Variants in SUPT5H observed in about 807,000 individuals in gnomAD.
The protein encoded by SUPT5H is transcription elongation factor SPT5.
In SUPT5H, 24 loss-of-function variants were observed where a neutral mutation model predicts 142.5. The observed-to-expected ratio is 0.17, with a 90% CI of 0.12 to 0.24. The LOEUF (loss-of-function observed/expected upper bound fraction) is 0.24. Ranked by LOEUF, SUPT5H falls within the 10% of genes least tolerant of loss-of-function variation. SUPT5H has a pLI of 1.00. For synonymous variants in SUPT5H, 546 were observed against 553.0 expected, an observed-to-expected ratio of 0.99 and a Z score of 0.18; for missense variants, 893 against 1,471.8, an observed-to-expected ratio of 0.61 and a Z score of 6.43.
In SUPT5H at chr19:39,473,467, G is replaced by A. The variant is rs769618502; in HGVS notation, c.2438G>A (p.Arg813His). The change falls in exon 25 of 30, where the codon CGC (arginine) becomes CAC (histidine). Residue 813 changes from arginine (R) to histidine (H), a missense_variant. Arg to His is a conservative substitution (Grantham distance 29). Around this residue, in one of 6 missense-constraint regions of SUPT5H, gnomAD observed 336 missense variants for 546.5 expected, o/e 0.61. Transcript: ENST00000432763. The surrounding 1 kb of genome is among the most constrained non-coding windows in gnomAD (Gnocchi z 5.8). Reference sequence around the variant, plus strand: ...CAGACGCCCCTGCATGATGGCAGCCGCACTCCTGCCCAGAGTGGGGCCTGG... The same window carrying A: ...CAGACGCCCCTGCATGATGGCAGCCACACTCCTGCCCAGAGTGGGGCCTGG... ...GSQTPLHDGS[R>H]TPAQSGAWDP... The A allele has an allele frequency of 1.9e-6, 3 of 1,612,874 alleles. No homozygotes were observed. Among genetic ancestry groups the A allele is most frequent in the Non-Finnish European group, 2.5e-6 (3 of 1,179,920 alleles).
In SUPT5H at chr19:39,458,572, C is replaced by A; in HGVS notation, c.320-246C>A. On this transcript the variant is annotated intron_variant, in intron 5 of 29. Transcript: ENST00000432763. This position sits in a 1 kb window ranked among gnomAD's most constrained non-coding sequence, Gnocchi z 4.2. ...GGGTGGGGTGCAGTCCAGGGTGTGCCTGGACTTTGAGATGGGAACAGCTGG... is the reference window on the plus strand; with the variant it reads ...GGGTGGGGTGCAGTCCAGGGTGTGCATGGACTTTGAGATGGGAACAGCTGG... 1 of 732,288 alleles carries A rather than the reference C, an allele frequency of 1.4e-6. No homozygotes were observed. The highest frequency in any genetic ancestry group is 2.2e-6 in the Non-Finnish European group (1 of 452,744). 45.4% of individuals were successfully genotyped at this position (732,288 alleles called of 1,614,324 possible).
In SUPT5H at chr19:39,449,049, C is replaced by A. The variant is rs2078987859; in HGVS notation, c.75+3084C>A. ...AGCTTGCAGTGAGCAGAGATCGCACCATTGCACTCCAGCCTGGGAGACAGA... is the reference window on the plus strand; with the variant it reads ...AGCTTGCAGTGAGCAGAGATCGCACAATTGCACTCCAGCCTGGGAGACAGA... On this transcript the variant is annotated intron_variant, in intron 2 of 29. Transcript: ENST00000432763. Among the ~76,000 whole-genome samples, 2 of 110,820 alleles carry A rather than the reference C, an allele frequency of 1.8e-5. 1 individual carries two copies. Among genetic ancestry groups the A allele is most frequent in the South Asian group, 6.5e-4 (2 of 3,090 alleles). 72.7% of individuals were successfully genotyped at this position (110,820 alleles called of 152,430 possible). A position where few individuals can be genotyped will look rare whatever the true frequency, so the allele number is the denominator to read the frequency against.
In SUPT5H at chr19:39,451,777, C is replaced by T. The variant is rs373938986; in HGVS notation, c.76-1579C>T. Among the ~76,000 whole-genome samples, 66 of 152,244 alleles carry T rather than the reference C, an allele frequency of 4.3e-4. 1 individual carries two copies. The South Asian group carries it at 0.013, about 30-fold the overall frequency. ...GTACTCCTGATGTCAGGTGATCCACCCGCTTTGGCCTCCTAAAGTGTTGGG... is the reference window on the plus strand; with the variant it reads ...GTACTCCTGATGTCAGGTGATCCACTCGCTTTGGCCTCCTAAAGTGTTGGG... On this transcript the variant is annotated intron_variant, in intron 2 of 29. Coordinates refer to ENST00000432763, the MANE Select transcript of SUPT5H (RefSeq NM_001111020.3).
At chr19:39,455,794 T>C (rs1401160717) in intron 3 of SUPT5H, among the ~76,000 whole-genome samples, 2 of 150,070 alleles carry the variant, frequency 1.3e-5, no homozygotes, top group Non-Finnish European at 3.0e-5. Context: ...AGCTAATTTT[T>C]GTATTTTTAG....
At chr19:39,457,979 C>A in intron 4 of SUPT5H, 2 of 805,162 alleles carry the variant, frequency 2.5e-6, no homozygotes, top group Non-Finnish European at 4.1e-6. Context: ...GATCCCAGGG[C>A]CCAGTGAATC....
Position 39,476,167 on chromosome 19 carries a change from G to A in SUPT5H, c.3111G>A (p.Lys1037=). ...ACCTGGAGCCTATCACCCCCACCAAGAACAACAAGGTAAGGGCAGGGGGCA... is the reference window on the plus strand; with the variant it reads ...ACCTGGAGCCTATCACCCCCACCAAAAACAACAAGGTAAGGGCAGGGGGCA... The part of the protein sequence containing the change: ...SEHLEPITPT[K]NNKVKVILGE... The change falls in exon 29 of 30, where the codon AAG becomes AAA. Residue 1037 remains lysine (K), a synonymous_variant. Transcript: ENST00000432763. 1 of 1,614,118 alleles carries A rather than the reference G, an allele frequency of 6.2e-7. No homozygotes were observed. Among genetic ancestry groups the A allele is most frequent in the Non-Finnish European group, 8.5e-7 (1 of 1,180,012 alleles).
chr19:39,468,975 C>G, intron 14 of SUPT5H, 104 bp from the exon 15 acceptor site: 1 of 1,543,014 alleles, frequency 6.5e-7, no homozygotes, highest in East Asian at 2.3e-5. Flanking sequence ...TAGGAGTGTT[C>G]CCTAGGAGAA....
rs185011055 is a variant in SUPT5H at position 39,458,386 on chromosome 19, C to T, written c.319+81C>T. The stretch of plus-strand genomic sequence containing the variant: ...TCCTTCCTGAGGCACCTGCCCTCAC[C>T]GGTAGCCTCCCCACCAGCCCCGGTC... On this transcript the variant is annotated intron_variant, in intron 5 of 29. Transcript: ENST00000432763. This position sits in a 1 kb window ranked among gnomAD's most constrained non-coding sequence, Gnocchi z 4.2. 1.0e-4 allele frequency: 160 copies of T among 1,598,080 alleles called. 2 individuals carry two copies. In the Admixed American group the frequency reaches 1.2e-3, roughly 12 times the overall value.
Position 39,472,919 on chromosome 19 carries a change from G to A in SUPT5H, c.2145G>A (p.Gly715=). The change falls in exon 22 of 30, where the codon GGG becomes GGA. Residue 715 remains glycine, a synonymous_variant. Transcript: ENST00000432763. This position sits in a 1 kb window ranked among gnomAD's most constrained non-coding sequence, Gnocchi z 4.2. ...LIGQTVRISQ[G]PYKGYIGVVK... is the part of the protein sequence containing the mutation. ...GCCAGACCGTGCGCATCTCCCAGGG[G>A]CCCTACAAAGGTGACCTGCGAGGCC... The A allele has an allele frequency of 1.9e-6, 3 of 1,613,482 alleles. No homozygotes were observed. The highest frequency in any genetic ancestry group is 2.5e-6 in the Non-Finnish European group (3 of 1,179,660).
chr19:39,465,659 A>G (rs2079225778), intron 11 of SUPT5H, among the ~76,000 whole-genome samples: 2 of 152,244 alleles, frequency 1.3e-5, no homozygotes, highest in South Asian at 4.1e-4. Flanking sequence ...TCCAATGCAC[A>G]GGATGGCTGC....
chr19:39,448,005 G>A (rs889893713), intron 2 of SUPT5H, among the ~76,000 whole-genome samples: 1 of 152,222 alleles, frequency 6.6e-6, no homozygotes, highest in African/African-American at 2.4e-5. Flanking sequence ...TGGGGAAATG[G>A]AAGGAGCTGG....
Position 39,472,998 on chromosome 19 carries a change from C to T in SUPT5H, c.2156-14C>T, listed in dbSNP as rs771452081. 4 of 1,613,044 alleles carry T rather than the reference C, an allele frequency of 2.5e-6. No homozygotes were observed. Among genetic ancestry groups the T allele is most frequent in the Non-Finnish European group, 3.4e-6 (4 of 1,179,348 alleles). ...AGGAGAGCCTGCCCAGCCTGACCTCCTGTCCCCCTGCAGGCTACATCGGTG... is the reference window on the plus strand; with the variant it reads ...AGGAGAGCCTGCCCAGCCTGACCTCTTGTCCCCCTGCAGGCTACATCGGTG... On this transcript the variant is annotated splice_polypyrimidine_tract_variant and intron_variant, in intron 22 of 29. Coordinates refer to ENST00000432763, the MANE Select transcript of SUPT5H (RefSeq NM_001111020.3). The surrounding 1 kb of genome is among the most constrained non-coding windows in gnomAD (Gnocchi z 4.2).
In SUPT5H at chr19:39,469,934, C is replaced by G. The variant is rs1288838621; in HGVS notation, c.1375-185C>G. ...GGTTGTCCAGGTTGGTGTCCTGTGT[C>G]TGGGGTCAGCTGTTTCTGGGGCAGT... On this transcript the variant is annotated intron_variant, in intron 16 of 29. Coordinates refer to ENST00000432763, the MANE Select transcript of SUPT5H (RefSeq NM_001111020.3). This position sits in a 1 kb window ranked among gnomAD's most constrained non-coding sequence, Gnocchi z 5.1. The G allele has an allele frequency of 4.2e-6, 3 of 715,112 alleles. No individual in the cohort carries two copies. The highest frequency in any genetic ancestry group is 2.8e-5 in the East Asian group (1 of 35,140). 44.3% of individuals were successfully genotyped at this position (715,112 alleles called of 1,614,324 possible).
In SUPT5H at chr19:39,445,964, A is replaced by G; in HGVS notation, c.74A>G (p.Glu25Gly). The part of the protein sequence containing the change: ...SERSSDGEEA[E>G]VDEERRSAAG... ...CGCAGCAGTGACGGCGAGGAGGCCG[A>G]GGTCTGTGGCTGGGGCGCTGGGGGA... Residue 25 changes from glutamate to glycine, a missense_variant and splice_region_variant, in exon 2 of 30, where the codon GAG (glutamate) becomes GGG (glycine). Coordinates refer to ENST00000432763, the MANE Select transcript of SUPT5H (RefSeq NM_001111020.3). 1.2e-6 allele frequency: 2 copies of G among 1,612,390 alleles called. No individual in the cohort carries two copies. The highest frequency in any genetic ancestry group is 2.2e-5 in the South Asian group (2 of 90,910).
chr19:39,476,204 TG>T lies in SUPT5H; in HGVS notation c.3120+32del, dbSNP rs1408377803. On this transcript the variant is annotated intron_variant, in intron 29 of 29. Coordinates refer to ENST00000432763, the MANE Select transcript of SUPT5H (RefSeq NM_001111020.3). ...AAGGGCAGGGGGCAAGGAGATAAGA[TG>T]GGGCCGTTGGGTGCTGACATGGACC... 3 of 1,613,808 alleles carry T rather than the reference TG, an allele frequency of 1.9e-6. No homozygotes were observed. In the South Asian group the frequency reaches 3.3e-5, roughly 18 times the overall value.
chr19:39,474,198 C>T lies in SUPT5H; in HGVS notation c.2652-36C>T. 2 of 1,613,622 alleles carry T rather than the reference C, an allele frequency of 1.2e-6. No individual in the cohort carries two copies. Among genetic ancestry groups the T allele is most frequent in the Non-Finnish European group, 1.7e-6 (2 of 1,179,736 alleles). On this transcript the variant is annotated intron_variant, in intron 26 of 29. Coordinates refer to ENST00000432763, the MANE Select transcript of SUPT5H (RefSeq NM_001111020.3). The surrounding 1 kb of genome is among the most constrained non-coding windows in gnomAD (Gnocchi z 6.5). ...GCCACCACCTCTTTTCCCCTCCCTC[C>T]TCCAACAAATGCCCCCTTCTCTCCT...
intron 10 of SUPT5H, among the ~76,000 whole-genome samples, chr19:39,462,269 T>C (rs2079172967): frequency 6.6e-6 from 1 of 152,132 alleles, no homozygotes; most frequent in South Asian, 2.1e-4. Flanking sequence ...AGTGTATTCA[T>C]AACCATCATC....
Position 39,469,855 on chromosome 19 carries a change from T to G in SUPT5H, c.1375-264T>G. 1 of 500,816 alleles carries G rather than the reference T, an allele frequency of 2.0e-6. No individual in the cohort carries two copies. Among genetic ancestry groups the G allele is most frequent in the Non-Finnish European group, 3.6e-6 (1 of 279,014 alleles). 31.0% of individuals were successfully genotyped at this position (500,816 alleles called of 1,614,324 possible). The stretch of plus-strand genomic sequence containing the variant: ...GGGGTCCTGTGTCTGAGGGGCAGGC[T>G]CTCTGTGTGGGTATAGGTAGGCATC... On this transcript the variant is annotated intron_variant, in intron 16 of 29. Coordinates refer to ENST00000432763, the MANE Select transcript of SUPT5H (RefSeq NM_001111020.3). This position sits in a 1 kb window ranked among gnomAD's most constrained non-coding sequence, Gnocchi z 5.1.
intron 2 of SUPT5H, among the ~76,000 whole-genome samples, chr19:39,451,278 T>C (rs539344583): frequency 6.8e-6 from 1 of 146,258 alleles, no homozygotes; most frequent in African/African-American, 2.5e-5. Context: ...AACCTGTGCC[T>C]CCCAGGTTCA....
Sources: gnomAD v4.1 joint callset for allele counts (sites outside exome capture counted in the v4.1 genomes callset) on GRCh38, gnomAD v4.1.1 for gene constraint, gnomAD v4.1.1 regional missense constraint, Gnocchi (gnomAD v3.1) non-coding constraint, MANE v1.5 for transcripts, NCBI Gene and HGNC (gene_info 2026-07-23, HGNC 2026-07-21) for gene names.